Variants in RNF157 observed in about 807,000 individuals in gnomAD.
RNF157 encodes E3 ubiquitin ligase RNF157.
RNF157 carries 55 observed loss-of-function variants against 88.3 expected under a neutral mutation model. That is an observed-to-expected ratio of 0.62 (90% CI 0.50 to 0.78). The LOEUF (loss-of-function observed/expected upper bound fraction) is 0.78, where lower values mean the gene tolerates loss of function less well. Among genes scored for constraint, RNF157 ranks in the 30% least tolerant of loss-of-function variants. The probability of loss-of-function intolerance (pLI) is 0.00; values close to 1 mark genes in which losing one functional copy is unlikely to be tolerated. For missense variants in RNF157, 788 were observed against 860.8 expected (o/e 0.92, Z 1.06); for synonymous variants, 334 against 341.2 (o/e 0.98, Z 0.23).
At chr17:76,166,323 A>G in intron 6 of RNF157, 138 bp downstream of exon 6, 1 of 731,674 alleles carries the variant, frequency 1.4e-6, no homozygotes, top group Non-Finnish European at 2.4e-6. Flanking sequence ...CACAGATGTG[A>G]GAGGATGCAG....
intron 2 of RNF157, among the ~76,000 whole-genome samples, chr17:76,200,873 T>C (rs2144979385): frequency 6.6e-6 from 1 of 152,296 alleles, no homozygotes; most frequent in Admixed American, 6.5e-5. Context: ...TACTGCATGT[T>C]GGCACCAAGA....
At chr17:76,155,060 G>A (rs1002017351) in intron 16 of RNF157, among the ~76,000 whole-genome samples, 192 bp downstream of exon 16, 1 of 152,202 alleles carries the variant, frequency 6.6e-6, no homozygotes, top group African/African-American at 2.4e-5. Flanking sequence ...CCCACTCACT[G>A]GACAGTCCAC....
At chr17:76,238,753 G>A (rs1176525847) in intron 1 of RNF157, among the ~76,000 whole-genome samples, 1 of 152,148 alleles carries the variant, frequency 6.6e-6, no homozygotes, top group East Asian at 1.9e-4. Context: ...GCCGCCCTAA[G>A]AATATTTTTG....
rs764183727 is a variant in RNF157 at position 76,154,300 on chromosome 17, C to A, written c.1793G>T (p.Gly598Val). The change falls in exon 17 of 19, where the codon GGA becomes GTA. Residue 598 changes from glycine (G) to valine (V), a missense_variant. By Grantham distance (109) the Gly-to-Val change is moderately radical. Transcript: ENST00000269391. ...TTTACCACCTTCCTGCGTGGGTGATCCATCCTCTTCCTCTATAACATCATT... is the reference window on the plus strand; with the variant it reads ...TTTACCACCTTCCTGCGTGGGTGATACATCCTCTTCCTCTATAACATCATT... The part of the protein sequence containing the change: ...EGNDVIEEED[G>V]SPTQEGQRTC... 2 of 1,612,148 alleles carry A rather than the reference C, an allele frequency of 1.2e-6. No individual in the cohort carries two copies. The highest frequency in any genetic ancestry group is 8.5e-7 in the Non-Finnish European group (1 of 1,178,208).
In RNF157 at chr17:76,160,125, A is replaced by G. The variant is rs571693281; in HGVS notation, c.1066-552T>C. Among the ~76,000 whole-genome samples the G allele has an allele frequency of 3.3e-5, 5 of 152,212 alleles. No individual in the cohort carries two copies. Among genetic ancestry groups the G allele is most frequent in the Non-Finnish European group, 5.9e-5 (4 of 68,042 alleles). ...GTAAGCCACCATGCCTGGCCAGAAC[A>G]TAAATATTTTCCTTTGTTTCTGAAG... On this transcript the variant is annotated intron_variant, in intron 11 of 18. Transcript: ENST00000269391. This position sits in a 1 kb window ranked among gnomAD's most constrained non-coding sequence, Gnocchi z 4.3.
chr17:76,193,499 A>G (rs952836009), intron 2 of RNF157, among the ~76,000 whole-genome samples: 2 of 151,864 alleles, frequency 1.3e-5, no homozygotes, highest in Non-Finnish European at 2.9e-5. Context: ...GATCTGCCCT[A>G]TATTCTACTG....
At chr17:76,200,004 G>A (rs1398294662) in intron 2 of RNF157, among the ~76,000 whole-genome samples, 10 of 152,088 alleles carry the variant, frequency 6.6e-5, no homozygotes, top group South Asian at 2.1e-4. Context: ...TTGGGAGGCC[G>A]AGGCGGGCGG....
intron 1 of RNF157, among the ~76,000 whole-genome samples, chr17:76,226,981 A>G (rs1372824842): frequency 6.6e-6 from 1 of 152,250 alleles, no homozygotes; most frequent in Non-Finnish European, 1.5e-5. Context: ...TGCCGCAGGC[A>G]CTGCTGCCCC....
chr17:76,147,239 T>G, intron 18 of RNF157: 1 of 983,890 alleles, frequency 1.0e-6, no homozygotes, highest in East Asian at 1.1e-4. Context: ...GAGCTGTTTG[T>G]TCATTTATAT....
chr17:76,195,091 C>T lies in RNF157; in HGVS notation c.207+17273G>A, dbSNP rs1040887852. On this transcript the variant is annotated intron_variant, in intron 2 of 18. Coordinates refer to ENST00000269391, the MANE Select transcript of RNF157 (RefSeq NM_052916.3). The surrounding 1 kb of genome is among the most constrained non-coding windows in gnomAD (Gnocchi z 4.4). Reference sequence around the variant, plus strand: ...ATAAAAACTTGGAAGCTGAAACACACACTGACAAGTGGAAAGCGATTCAGG... The same window carrying T: ...ATAAAAACTTGGAAGCTGAAACACATACTGACAAGTGGAAAGCGATTCAGG... Among the ~76,000 whole-genome samples the T allele has an allele frequency of 6.6e-6, 1 of 152,152 alleles. No homozygotes were observed. The highest frequency in any genetic ancestry group is 2.4e-5 in the African/African-American group (1 of 41,434).
At chr17:76,149,543 A>G (rs1568019780) in intron 18 of RNF157, among the ~76,000 whole-genome samples, 1 of 152,120 alleles carries the variant, frequency 6.6e-6, no homozygotes, top group Non-Finnish European at 1.5e-5. Context: ...GGGACCTACC[A>G]AAGTGGATAT....
rs2069466572 is a variant in RNF157 at position 76,195,685 on chromosome 17, C to T, written c.207+16679G>A. On this transcript the variant is annotated intron_variant, in intron 2 of 18. Coordinates refer to ENST00000269391, the MANE Select transcript of RNF157 (RefSeq NM_052916.3). The surrounding 1 kb of genome is among the most constrained non-coding windows in gnomAD (Gnocchi z 4.4). ...ATTCACACAATGAAATACTATGCAG[C>T]AATGGAAATGAACCGTACACAGCAC... Among the ~76,000 whole-genome samples the T allele has an allele frequency of 1.3e-5, 2 of 152,158 alleles. No homozygotes were observed. Among genetic ancestry groups the T allele is most frequent in the Non-Finnish European group, 2.9e-5 (2 of 68,048 alleles).
Position 76,240,306 on chromosome 17 carries a change from C to G in RNF157, c.-66G>C. ...CGCCGCCCTCCGCGCTTCACCGCGG[C>G]CGCCCGCCCCGCGCCCGGTGCGGGG... On this transcript the variant is annotated 5_prime_UTR_variant, in exon 1 of 19. Coordinates refer to ENST00000269391, the MANE Select transcript of RNF157 (RefSeq NM_052916.3). This position sits in a 1 kb window ranked among gnomAD's most constrained non-coding sequence, Gnocchi z 4.4. 1 of 774,812 alleles carries G rather than the reference C, an allele frequency of 1.3e-6. No homozygotes were observed. Among genetic ancestry groups the G allele is most frequent in the Non-Finnish European group, 1.6e-6 (1 of 639,834 alleles). The allele number at this position is 774,812 out of a possible 1,614,324, so 48.0% of individuals were successfully genotyped here. A position where few individuals can be genotyped will look rare whatever the true frequency, so the allele number is the denominator to read the frequency against.
intron 2 of RNF157, among the ~76,000 whole-genome samples, chr17:76,194,785 G>A (rs1369330072): frequency 6.6e-6 from 1 of 152,088 alleles, no homozygotes; most frequent in Non-Finnish European, 1.5e-5. Context: ...GGAGGCCAAG[G>A]TGGGCAGATC....
chr17:76,226,557 A>C lies in RNF157; in HGVS notation c.88+13596T>G, dbSNP rs1452244284. The C allele has an allele frequency of 6.8e-6, 11 of 1,613,480 alleles. No individual in the cohort carries two copies. The Admixed American group carries it at 1.8e-4, about 27-fold the overall frequency. On this transcript the variant is annotated intron_variant, in intron 1 of 18. Transcript: ENST00000269391. ...TTCAAATCCATTTTCTCCAACATCC[A>C]ATGTGTCCCAGAGAAGGCATCCTCC...
At chr17:76,212,228 T>C in intron 2 of RNF157, 136 bp downstream of exon 2, 1 of 654,596 alleles carries the variant, frequency 1.5e-6, no homozygotes, top group Non-Finnish European at 2.8e-6. Flanking sequence ...GAGGCTGCAG[T>C]TTGTCTTCTA....
Position 76,144,789 on chromosome 17 carries a change from A to T in RNF157, c.*446T>A, listed in dbSNP as rs1291053863. On this transcript the variant is annotated 3_prime_UTR_variant, in exon 19 of 19. Coordinates refer to ENST00000269391, the MANE Select transcript of RNF157 (RefSeq NM_052916.3). ...GTGCAGTATGGCTCTCCCTTTCCAC[A>T]GGAGCGATCCTCCAGCCCTACCCCA... The T allele has an allele frequency of 6.4e-6, 1 of 156,120 alleles. No individual in the cohort carries two copies. Among genetic ancestry groups the T allele is most frequent in the Non-Finnish European group, 1.4e-5 (1 of 70,704 alleles). The allele number at this position is 156,120 out of a possible 1,614,324, so 9.7% of individuals were successfully genotyped here. A position where few individuals can be genotyped will look rare whatever the true frequency, so the allele number is the denominator to read the frequency against.
At chr17:76,165,581 A>C (rs199850393) in intron 6 of RNF157, 36 bp from the exon 7 acceptor site, 119 of 1,611,846 alleles carry the variant, frequency 7.4e-5, no homozygotes, top group Non-Finnish European at 2.0e-5. Flanking sequence ...GAAGAAGCCC[A>C]AACAGCACAT....
chr17:76,201,829 T>G (rs1190653761), intron 2 of RNF157, among the ~76,000 whole-genome samples: 1 of 152,180 alleles, frequency 6.6e-6, no homozygotes, highest in African/African-American at 2.4e-5. Flanking sequence ...CATTATAATT[T>G]ATTTAACCAT....
Sources: gnomAD v4.1 joint callset for allele counts (sites outside exome capture counted in the v4.1 genomes callset) on GRCh38, gnomAD v4.1.1 for gene constraint, Gnocchi (gnomAD v3.1) non-coding constraint, MANE v1.5 for transcripts, NCBI Gene and HGNC (gene_info 2026-07-23, HGNC 2026-07-21) for gene names.